VCPIP1: variants seen among roughly 807,000 people sequenced by gnomAD.
The protein encoded by VCPIP1 is deubiquitinating protein VCPIP1.
VCPIP1 carries 8 observed loss-of-function variants against 85.0 expected under a neutral mutation model. The observed-to-expected ratio is 0.09, with a 90% CI of 0.06 to 0.17. The LOEUF (loss-of-function observed/expected upper bound fraction) is 0.17. Among genes scored for constraint, VCPIP1 ranks in the 10% least tolerant of loss-of-function variants. VCPIP1 has a pLI of 1.00. For synonymous variants in VCPIP1, 543 were observed against 544.5 expected, an observed-to-expected ratio of 1.00 and a Z score of 0.04; for missense variants, 1,070 against 1,486.3, an observed-to-expected ratio of 0.72 and a Z score of 4.61.
chr8:66,647,191 A>AT lies in VCPIP1; in HGVS notation c.2797+4266dup, dbSNP rs1193947058. On this transcript the variant is annotated intron_variant, in intron 2 of 2. Transcript: ENST00000310421. ...CCCTGTCTCTACTAAAACTACAAAA[A>AT]TTAGCCAGGCGCGGTGGCAGGCGCC... 4.0e-5 allele frequency among the ~76,000 whole-genome samples: 6 copies of AT among 151,876 alleles called. No individual in the cohort carries two copies. The East Asian group carries it at 1.2e-3, about 29-fold the overall frequency.
At chr8:66,651,620 C>CCTTGATGTTTATT in intron 1 of VCPIP1, 76 bp from the exon 2 acceptor site, 1 of 1,216,980 alleles carries the variant, frequency 8.2e-7, no homozygotes, top group Non-Finnish European at 1.2e-6. Context: ...TAAGGATTAG[C>CCTTGATGTTTATT]CTAGAATAAA....
intron 1 of VCPIP1, among the ~76,000 whole-genome samples, chr8:66,658,998 A>G (rs926940352): frequency 1.3e-5 from 2 of 152,164 alleles, no homozygotes; most frequent in African/African-American, 4.8e-5. Flanking sequence ...AATTTCATTT[A>G]AGTAACTCCA....
In VCPIP1 at chr8:66,667,213, CTCTCTCTCCCTCA is replaced by C; in HGVS notation, c.-268_-256del. Reference sequence around the variant, plus strand: ...CCGCACTCACACTCACTCACTCTCGCTCTCTCTCCCTCAGACACAGACATACACGCCCTCATTG... The same window carrying C: ...CCGCACTCACACTCACTCACTCTCGCGACACAGACATACACGCCCTCATTG... On this transcript the variant is annotated 5_prime_UTR_variant, in exon 1 of 3. Coordinates refer to ENST00000310421, the MANE Select transcript of VCPIP1 (RefSeq NM_025054.5). 1.5e-6 allele frequency: 1 copy of C among 648,462 alleles called. No individual in the cohort carries two copies. 40.2% of individuals were successfully genotyped at this position (648,462 alleles called of 1,614,324 possible).
Position 66,665,633 on chromosome 8 carries a change from CCTT to C in VCPIP1, c.1323_1325del (p.Arg442del). 1 of 1,614,202 alleles carries C rather than the reference CCTT, an allele frequency of 6.2e-7. No homozygotes were observed. Among genetic ancestry groups the C allele is most frequent in the East Asian group, 2.2e-5 (1 of 44,890 alleles). Reference sequence around the variant, plus strand: ...CAGGCTGAACTCCTATCACTCCAGTCCTTCTGTAGAAATACTGATGGACATCAG... The same window carrying C: ...CAGGCTGAACTCCTATCACTCCAGTCCTGTAGAAATACTGATGGACATCAG... On this transcript the variant is annotated inframe_deletion, in exon 1 of 3. Transcript: ENST00000310421. The surrounding 1 kb of genome is among the most constrained non-coding windows in gnomAD (Gnocchi z 4.3).
rs757531588 is a variant in VCPIP1, at chr8:66,662,258, T to C, written c.2710+1991A>G. 2.6e-5 allele frequency among the ~76,000 whole-genome samples: 4 copies of C among 152,290 alleles called. No individual in the cohort carries two copies. In the East Asian group the frequency reaches 7.7e-4, roughly 29 times the overall value. On this transcript the variant is annotated intron_variant, in intron 1 of 2. Coordinates refer to ENST00000310421, the MANE Select transcript of VCPIP1 (RefSeq NM_025054.5). Reference sequence around the variant, plus strand: ...TGAACATGGAAATCAGGCAAAGGGATAGAGATGTTTCAGCCAGGCCACAGT... The same window carrying C: ...TGAACATGGAAATCAGGCAAAGGGACAGAGATGTTTCAGCCAGGCCACAGT...
chr8:66,630,080 G>A lies in VCPIP1; in HGVS notation c.*4421C>T, dbSNP rs1170030107. Reference sequence around the variant, plus strand: ...AAAAGCTAATGTGGAGAATTTCAGGGGAAAATCAGTATTAACTTATAGTTT... The same window carrying A: ...AAAAGCTAATGTGGAGAATTTCAGGAGAAAATCAGTATTAACTTATAGTTT... On this transcript the variant is annotated 3_prime_UTR_variant, in exon 3 of 3. Transcript: ENST00000310421. The A allele has an allele frequency of 2.0e-5, 3 of 151,936 alleles. No homozygotes were observed. The highest frequency in any genetic ancestry group is 6.6e-5 in the Admixed American group (1 of 15,246). The allele number at this position is 151,936 out of a possible 1,614,324, so 9.4% of individuals were successfully genotyped here. A position where few individuals can be genotyped will look rare whatever the true frequency, so the allele number is the denominator to read the frequency against.
At chr8:66,660,818 C>T (rs902900077) in intron 1 of VCPIP1, among the ~76,000 whole-genome samples, 43 of 151,998 alleles carry the variant, frequency 2.8e-4, no homozygotes, top group Middle Eastern at 3.2e-3. Context: ...CCGAGGAGGG[C>T]GGATCCCCTG....
chr8:66,633,113 G>C lies in VCPIP1; in HGVS notation c.*1388C>G, dbSNP rs560367264. On this transcript the variant is annotated 3_prime_UTR_variant, in exon 3 of 3. Coordinates refer to ENST00000310421, the MANE Select transcript of VCPIP1 (RefSeq NM_025054.5). ...TTAAAGTACTGTCTATATCCCTTAT[G>C]AATCAACAGGCAGAGATTTTTAAAC... 1.3e-5 allele frequency: 2 copies of C among 152,450 alleles called. No individual in the cohort carries two copies. The highest frequency in any genetic ancestry group is 2.9e-5 in the Non-Finnish European group (2 of 67,954). 9.4% of individuals were successfully genotyped at this position (152,450 alleles called of 1,614,324 possible). A position where few individuals can be genotyped will look rare whatever the true frequency, so the allele number is the denominator to read the frequency against.
At chr8:66,658,025 C>T (rs1211777856) in intron 1 of VCPIP1, among the ~76,000 whole-genome samples, 1 of 152,068 alleles carries the variant, frequency 6.6e-6, no homozygotes, top group African/African-American at 2.4e-5. Context: ...GAAGGGCTAT[C>T]AGAAGGCATA....
chr8:66,662,974 G>A (rs546764760), intron 1 of VCPIP1, among the ~76,000 whole-genome samples: 5 of 151,682 alleles, frequency 3.3e-5, no homozygotes, highest in East Asian at 3.9e-4. Flanking sequence ...GCATGGAGGC[G>A]TGGGCCTGTA....
In VCPIP1 at chr8:66,630,454, C is replaced by G. The variant is rs1810823081; in HGVS notation, c.*4047G>C. ...GCAACCTTTTCAGTCTTGCATTGCT[C>G]TACCACAGGCATAATAAGGGCTCAG... On this transcript the variant is annotated 3_prime_UTR_variant, in exon 3 of 3. Coordinates refer to ENST00000310421, the MANE Select transcript of VCPIP1 (RefSeq NM_025054.5). 1 of 152,578 alleles carries G rather than the reference C, an allele frequency of 6.6e-6. No individual in the cohort carries two copies. Among genetic ancestry groups the G allele is most frequent in the African/African-American group, 2.4e-5 (1 of 41,422 alleles). The allele number at this position is 152,578 out of a possible 1,614,324, so 9.5% of individuals were successfully genotyped here. A position where few individuals can be genotyped will look rare whatever the true frequency, so the allele number is the denominator to read the frequency against.
intron 1 of VCPIP1, among the ~76,000 whole-genome samples, chr8:66,653,748 T>C (rs1260768942): frequency 6.6e-6 from 1 of 152,204 alleles, no homozygotes; most frequent in African/African-American, 2.4e-5. Flanking sequence ...TTGTTTTCAT[T>C]ATCTCCCCCT....
intron 2 of VCPIP1, among the ~76,000 whole-genome samples, chr8:66,646,261 C>T (rs918660489): frequency 2.0e-4 from 30 of 151,864 alleles, no homozygotes; most frequent in African/African-American, 6.3e-4. Context: ...TTAGTAGAGA[C>T]GGGGTTTCAC....
chr8:66,657,281 G>A (rs1303544665), intron 1 of VCPIP1, among the ~76,000 whole-genome samples: 5 of 152,042 alleles, frequency 3.3e-5, no homozygotes, highest in Non-Finnish European at 4.4e-5. Flanking sequence ...ATAAAATGAA[G>A]TACTTGTTTA....
intron 1 of VCPIP1, 140 bp downstream of exon 1, chr8:66,664,109 T>C: frequency 8.7e-7 from 1 of 1,148,060 alleles, no homozygotes; most frequent in Non-Finnish European, 1.2e-6. Context: ...CTGTTCAAAA[T>C]ACTAAAAATA....
At chr8:66,655,293 T>C (rs765236323) in intron 1 of VCPIP1, among the ~76,000 whole-genome samples, 20 of 152,226 alleles carry the variant, frequency 1.3e-4, no homozygotes, top group South Asian at 6.2e-4. Context: ...TGAATGAATG[T>C]ATAGATGCAA....
chr8:66,665,719 C>G lies in VCPIP1; in HGVS notation c.1240G>C (p.Val414Leu). The G allele has an allele frequency of 6.2e-7, 1 of 1,614,142 alleles. No individual in the cohort carries two copies. Among genetic ancestry groups the G allele is most frequent in the Non-Finnish European group, 8.5e-7 (1 of 1,180,022 alleles). Reference protein sequence around the residue: ...SLQDKYLLRLVAAMEEVFMDK... With the variant: ...SLQDKYLLRLLAAMEEVFMDK... ...ATAAAGACTTCTTCCATAGCAGCAA[C>G]AAGCCTAAGTAAGTATTTATCTTGC... is the stretch of plus-strand genomic sequence containing the variant. The change falls in exon 1 of 3, where the codon GTT (valine) becomes CTT (leucine). Residue 414 changes from valine to leucine, a missense_variant. Val to Leu is a conservative substitution (Grantham distance 32, BLOSUM62 1). Around this residue, in one of 8 missense-constraint regions of VCPIP1, gnomAD observed 83 missense variants for 134.6 expected, o/e 0.62. Coordinates refer to ENST00000310421, the MANE Select transcript of VCPIP1 (RefSeq NM_025054.5). This position sits in a 1 kb window ranked among gnomAD's most constrained non-coding sequence, Gnocchi z 4.3.
Position 66,666,681 on chromosome 8 carries a change from A to T in VCPIP1, c.278T>A (p.Val93Glu). 6.2e-7 allele frequency: 1 copy of T among 1,614,154 alleles called. No individual in the cohort carries two copies. The highest frequency in any genetic ancestry group is 8.5e-7 in the Non-Finnish European group (1 of 1,180,036). Residue 93 changes from valine to glutamate, a missense_variant, in exon 1 of 3, where the codon GTA becomes GAA. Transcript: ENST00000310421. The surrounding 1 kb of genome is among the most constrained non-coding windows in gnomAD (Gnocchi z 6.3). ...GTTCCGCAGCAGGTTGTGTAGCACT[A>T]CGTCCGGGTCGGTCACCTCCTCAAC... ...LGVEEVTDPDVVLHNLLRNAL... is the reference protein window; with the variant it reads ...LGVEEVTDPDEVLHNLLRNAL...
chr8:66,650,245 T>C (rs916486256), intron 2 of VCPIP1, among the ~76,000 whole-genome samples: 35 of 152,182 alleles, frequency 2.3e-4, no homozygotes, highest in African/African-American at 8.0e-4. Flanking sequence ...TGAGGCTGGG[T>C]AGTAGGTAAA....
Sources: gnomAD v4.1 joint callset for allele counts (sites outside exome capture counted in the v4.1 genomes callset) on GRCh38, gnomAD v4.1.1 for gene constraint, gnomAD v4.1.1 regional missense constraint, Gnocchi (gnomAD v3.1) non-coding constraint, MANE v1.5 for transcripts, NCBI Gene and HGNC (gene_info 2026-07-23, HGNC 2026-07-21) for gene names.